MED15: variants seen among roughly 807,000 people sequenced by gnomAD.
The protein encoded by MED15 is mediator of RNA polymerase II transcription subunit 15.
Under a neutral mutation model 118.7 loss-of-function variants are expected in MED15, and 41 were observed. The observed-to-expected ratio is 0.35, with a 90% confidence interval of 0.27 to 0.45. MED15 has a LOEUF of 0.45. Ranked by LOEUF, MED15 falls within the 20% of genes least tolerant of loss-of-function variation. The pLI is 1.00. For missense variants in MED15, 740 were observed against 1,025.5 expected (o/e 0.72, Z 3.80); for synonymous variants, 436 against 413.9 (o/e 1.05, Z -0.65).
At chr22:20,577,745 TGA>T (rs2056864129) in intron 9 of MED15, among the ~76,000 whole-genome samples, 1 of 151,950 alleles carries the variant, frequency 6.6e-6, no homozygotes, top group South Asian at 2.1e-4. Context: ...GCACTGGCAG[TGA>T]GAGGCACACC....
chr22:20,561,248 C>T (rs112729229), intron 5 of MED15, among the ~76,000 whole-genome samples: 3,640 of 152,200 alleles, frequency 0.024, 152 homozygotes, highest in African/African-American at 0.083. Context: ...AGGCCGGGCG[C>T]GGTGGCTCAG....
intron 1 of MED15, among the ~76,000 whole-genome samples, chr22:20,528,448 GCA>G (rs144682660): frequency 0.032 from 4,921 of 152,272 alleles, 117 homozygotes; most frequent in African/African-American, 0.04. Flanking sequence ...TCCCTCACAT[GCA>G]CAGTTTACAG....
At chr22:20,543,619 G>A (rs934562040) in intron 2 of MED15, among the ~76,000 whole-genome samples, 23 of 150,964 alleles carry the variant, frequency 1.5e-4, no homozygotes, top group African/African-American at 4.4e-4. Context: ...GTGCAGTAGC[G>A]CGATCTCGGC....
Position 20,582,195 on chromosome 22 carries a change from G to A in MED15, c.1273-416G>A, listed in dbSNP as rs141960343. ...GGCTTGTGGAAGCATGTGGGAAGAC[G>A]GTCCCACTGGTCAGCAGAGCAGGGT... is the stretch of plus-strand genomic sequence containing the variant. On this transcript the variant is annotated intron_variant, in intron 9 of 17. Transcript: ENST00000263205. 39 of 251,008 alleles carry A rather than the reference G, an allele frequency of 1.6e-4. No individual in the cohort carries two copies. In the East Asian group the frequency reaches 3.3e-3, roughly 21 times the overall value. 15.5% of individuals were successfully genotyped at this position (251,008 alleles called of 1,614,324 possible).
intron 5 of MED15, among the ~76,000 whole-genome samples, 186 bp from the exon 6 acceptor site, chr22:20,564,264 C>G (rs1303462076): frequency 2.0e-5 from 3 of 152,150 alleles, no homozygotes; most frequent in African/African-American, 4.8e-5. Context: ...GATAGGAAAT[C>G]CCAAAATCAA....
chr22:20,516,221 G>A (rs924995055), intron 1 of MED15, among the ~76,000 whole-genome samples: 1 of 151,740 alleles, frequency 6.6e-6, no homozygotes, highest in Admixed American at 6.6e-5. Context: ...GCTGAGGCAG[G>A]AGAATTGCTT....
At chr22:20,577,274 C>T (rs1412638061) in intron 9 of MED15, among the ~76,000 whole-genome samples, 1 of 152,216 alleles carries the variant, frequency 6.6e-6, no homozygotes, top group Non-Finnish European at 1.5e-5. Flanking sequence ...CCTGGGTGGG[C>T]TCCCTCCATG....
At chr22:20,564,160 G>T (rs770641886) in intron 5 of MED15, among the ~76,000 whole-genome samples, 4 of 152,202 alleles carry the variant, frequency 2.6e-5, no homozygotes, top group Non-Finnish European at 5.9e-5. Flanking sequence ...AGACAGAGAG[G>T]AGATTACTGA....
intron 1 of MED15, among the ~76,000 whole-genome samples, chr22:20,525,882 A>G (rs938905803): frequency 4.6e-5 from 7 of 151,046 alleles, no homozygotes; most frequent in Admixed American, 6.6e-5. Context: ...TTTCTCTACG[A>G]CACTCTTTAT....
intron 1 of MED15, among the ~76,000 whole-genome samples, chr22:20,535,872 C>CTTTTTTTT (rs536712415): frequency 7.1e-5 from 7 of 98,688 alleles, no homozygotes; most frequent in Non-Finnish European, 1.4e-4. Context: ...TTCTTTCTTT[C>CTTTTTTTT]TTTTTTTTTT....
Position 20,566,679 on chromosome 22 carries a change from G to C in MED15, c.903G>C (p.Pro301=), listed in dbSNP as rs766191914. 3.0e-5 allele frequency: 49 copies of C among 1,613,910 alleles called. No homozygotes were observed. In the Admixed American group the frequency reaches 7.7e-4, roughly 25 times the overall value. Reference sequence around the variant, plus strand: ...TGCATCACACACAGCACCACCAGCCGCCACCACAGCCCCAGCAGCCTCCAG... The same window carrying C: ...TGCATCACACACAGCACCACCAGCCCCCACCACAGCCCCAGCAGCCTCCAG... ...QQMHHTQHHQ[P]PPQPQQPPVA... is the part of the protein sequence containing the mutation. The change falls in exon 7 of 18, where the codon CCG becomes CCC. Residue 301 remains proline (P), a synonymous_variant. Transcript: ENST00000263205.
chr22:20,546,839 G>A (rs1378242235), intron 2 of MED15, among the ~76,000 whole-genome samples: 1 of 152,124 alleles, frequency 6.6e-6, no homozygotes, highest in East Asian at 1.9e-4. Context: ...CAGATTGGCT[G>A]CTCCTCTAGG....
chr22:20,586,992 C>T lies in MED15; in HGVS notation c.*288C>T, dbSNP rs1159023229. 1.2e-5 allele frequency: 6 copies of T among 510,044 alleles called. No homozygotes were observed. The highest frequency in any genetic ancestry group is 1.8e-5 in the Non-Finnish European group (5 of 281,284). The allele number at this position is 510,044 out of a possible 1,614,324, so 31.6% of individuals were successfully genotyped here. On this transcript the variant is annotated 3_prime_UTR_variant, in exon 18 of 18. Transcript: ENST00000263205. Reference sequence around the variant, plus strand: ...GATCCTCAGGCTGCTCTCACCGTGGCCTGTCCACGGTCCAGGTCCATCTCA... The same window carrying T: ...GATCCTCAGGCTGCTCTCACCGTGGTCTGTCCACGGTCCAGGTCCATCTCA...
intron 11 of MED15, 49 bp from the exon 12 acceptor site, chr22:20,583,064 C>G: frequency 1.3e-6 from 2 of 1,558,574 alleles, no homozygotes; most frequent in South Asian, 2.4e-5. Flanking sequence ...AGCTCAAGTT[C>G]CCCACCCGAG....
At chr22:20,541,105 G>T (rs568580227) in intron 2 of MED15, among the ~76,000 whole-genome samples, 1 of 152,120 alleles carries the variant, frequency 6.6e-6, no homozygotes, top group Non-Finnish European at 1.5e-5. Flanking sequence ...CAGGCGTGGT[G>T]GTGGGCGCCT....
rs2057153950 is a variant in MED15, at chr22:20,586,982, CTCACCGTGGCCTG to C, written c.*281_*293del. ...AGCCAGATGCGATCCTCAGGCTGCT[CTCACCGTGGCCTG>C]TCCACGGTCCAGGTCCATCTCAGCA... On this transcript the variant is annotated 3_prime_UTR_variant, in exon 18 of 18. Transcript: ENST00000263205. 1.9e-6 allele frequency: 1 copy of C among 529,112 alleles called. No homozygotes were observed. The highest frequency in any genetic ancestry group is 2.3e-5 in the South Asian group (1 of 43,170). The allele number at this position is 529,112 out of a possible 1,614,324, so 32.8% of individuals were successfully genotyped here.
chr22:20,511,686 A>G (rs528880520), intron 1 of MED15, among the ~76,000 whole-genome samples: 21 of 149,848 alleles, frequency 1.4e-4, no homozygotes, highest in African/African-American at 5.2e-4. Flanking sequence ...CATTGCAGGG[A>G]CTCTCCAGTT....
intron 1 of MED15, among the ~76,000 whole-genome samples, chr22:20,525,528 C>T (rs1166016635): frequency 1.5e-5 from 2 of 135,900 alleles, no homozygotes; most frequent in Non-Finnish European, 3.1e-5. Context: ...CATGACCTTT[C>T]TCTTTTTTTT....
At chr22:20,546,350 A>T (rs1216069381) in intron 2 of MED15, among the ~76,000 whole-genome samples, 1 of 152,150 alleles carries the variant, frequency 6.6e-6, no homozygotes, top group South Asian at 2.1e-4. Context: ...ATTTCTGGGC[A>T]TCTTGATATT....
Sources: allele counts gnomAD v4.1 joint callset (sites outside exome capture counted in the v4.1 genomes callset), GRCh38; gene constraint gnomAD v4.1.1; transcripts MANE v1.5; gene names NCBI Gene and HGNC (gene_info 2026-07-23, HGNC 2026-07-21).